Variants in MYCT1 observed in about 807,000 individuals in gnomAD.
MYCT1 encodes MYC target 1.
Under a neutral mutation model 15.0 loss-of-function variants are expected in MYCT1, and 12 were observed. That is an observed-to-expected ratio of 0.80 (90% CI 0.51 to 1.29). MYCT1 has a LOEUF of 1.29. Ranked by LOEUF, MYCT1 falls within the 50% of genes most tolerant of loss-of-function variation. The pLI is 0.00. For missense variants in MYCT1, 287 were observed against 279.1 expected (o/e 1.03, Z -0.20); for synonymous variants, 104 against 102.7 (o/e 1.01, Z -0.07).
chr6:152,731,394 A>G, the MYCT1 span, among the ~76,000 whole-genome samples: 1 of 152,134 alleles, frequency 6.6e-6, no homozygotes, highest in Non-Finnish European at 1.5e-5. Context: ...TTTATACTTT[A>G]AGTTCTAGGG....
rs2099724737 is a variant in MYCT1 at position 152,721,752 on chromosome 6, C to T, written c.207C>T (p.Ile69=). 1 of 1,610,772 alleles carries T rather than the reference C, an allele frequency of 6.2e-7. No homozygotes were observed. Among genetic ancestry groups the T allele is most frequent in the African/African-American group, 1.3e-5 (1 of 74,788 alleles). ...TTTTCTTTGTTTCAGAGGACCTTAT[C>T]ATGTCCTTCACTGTATCCATGGCAA... ...PWPENFWEDL[I]MSFTVSMAIG... The change falls in exon 2 of 2, where the codon ATC becomes ATT. Residue 69 remains isoleucine (I), a synonymous_variant. Coordinates refer to ENST00000367245, the MANE Select transcript of MYCT1 (RefSeq NM_025107.3).
chr6:152,708,453 A>G (rs2099722672), intron 1 of MYCT1, among the ~76,000 whole-genome samples: 1 of 152,092 alleles, frequency 6.6e-6, no homozygotes, highest in African/African-American at 2.4e-5. Flanking sequence ...CTGAGGTGGG[A>G]GGGTCATTTG....
At chr6:152,729,807 A>G in the MYCT1 span, among the ~76,000 whole-genome samples, 6 of 152,218 alleles carry the variant, frequency 3.9e-5, no homozygotes, top group African/African-American at 9.6e-5. Context: ...TCTGAGGGAA[A>G]CAAGGGATTC....
chr6:152,722,898 C>T lies in MYCT1; in HGVS notation c.*645C>T, dbSNP rs888764012. 9 of 176,566 alleles carry T rather than the reference C, an allele frequency of 5.1e-5. No individual in the cohort carries two copies. The highest frequency in any genetic ancestry group is 1.7e-4 in the East Asian group (1 of 5,888). 10.9% of individuals were successfully genotyped at this position (176,566 alleles called of 1,614,324 possible). On this transcript the variant is annotated 3_prime_UTR_variant, in exon 2 of 2. Transcript: ENST00000367245. ...GGACTACAGGGGTGCACTACCACAC[C>T]GGGTTGAATTTTTTTTTAATTTTAG...
At chr6:152,732,388 G>A in the MYCT1 span, among the ~76,000 whole-genome samples, 1 of 152,134 alleles carries the variant, frequency 6.6e-6, no homozygotes, top group South Asian at 2.1e-4. Context: ...GATGAGAGTT[G>A]AATTTTCAAC....
At chr6:152,706,724 T>C (rs2099722336) in intron 1 of MYCT1, among the ~76,000 whole-genome samples, 1 of 152,168 alleles carries the variant, frequency 6.6e-6, no homozygotes, top group Admixed American at 6.6e-5. Flanking sequence ...GGTTAAAAGT[T>C]AGGGGTATTA....
In MYCT1 at chr6:152,723,055, A is replaced by G; in HGVS notation, c.*802A>G. Reference sequence around the variant, plus strand: ...TGGATTTTTAATGGAATATGTGGGCACAAAATGACAGAACATAGGACATTC... The same window carrying G: ...TGGATTTTTAATGGAATATGTGGGCGCAAAATGACAGAACATAGGACATTC... On this transcript the variant is annotated 3_prime_UTR_variant, in exon 2 of 2. Coordinates refer to ENST00000367245, the MANE Select transcript of MYCT1 (RefSeq NM_025107.3). 1 of 155,394 alleles carries G rather than the reference A, an allele frequency of 6.4e-6. No homozygotes were observed. The highest frequency in any genetic ancestry group is 1.9e-4 in the East Asian group (1 of 5,292). 9.6% of individuals were successfully genotyped at this position (155,394 alleles called of 1,614,324 possible).
chr6:152,714,068 T>C (rs376131086), intron 1 of MYCT1, among the ~76,000 whole-genome samples: 3 of 152,050 alleles, frequency 2.0e-5, no homozygotes, highest in Admixed American at 6.6e-5. Context: ...AAAAGCTGAT[T>C]TGGAATCCTA....
chr6:152,728,027 G>A (rs773641161), downstream of MYCT1, among the ~76,000 whole-genome samples: 51 of 152,100 alleles, frequency 3.4e-4, no homozygotes, highest in Non-Finnish European at 6.8e-4. Flanking sequence ...AGCCAGGCGT[G>A]GTGGTGTGGG....
chr6:152,727,930 G>A (rs1306892373), downstream of MYCT1, among the ~76,000 whole-genome samples: 1 of 152,142 alleles, frequency 6.6e-6, no homozygotes, highest in Non-Finnish European at 1.5e-5. Flanking sequence ...TTGGTAGACG[G>A]AGACGGGCAG....
chr6:152,726,110 G>A (rs2099725603), downstream of MYCT1, among the ~76,000 whole-genome samples: 1 of 152,098 alleles, frequency 6.6e-6, no homozygotes, highest in South Asian at 2.1e-4. Context: ...TTCAAAGAAA[G>A]TGATGGCCGG....
At position 152,724,207 on chromosome 6, in the gene MYCT1, G is replaced by C. The variant is rs967406035; in HGVS notation, c.*1954G>C. On this transcript the variant is annotated 3_prime_UTR_variant, in exon 2 of 2. Coordinates refer to ENST00000367245, the MANE Select transcript of MYCT1 (RefSeq NM_025107.3). ...TTTAGCAGCCAAGTAAGGTTTCAAG[G>C]GAATATTAACTTGGTATCAGGGCTA... is the stretch of plus-strand genomic sequence containing the variant. 1 of 151,072 alleles carries C rather than the reference G, an allele frequency of 6.6e-6. No individual in the cohort carries two copies. Among genetic ancestry groups the C allele is most frequent in the African/African-American group, 2.4e-5 (1 of 41,164 alleles). The allele number at this position is 151,072 out of a possible 1,614,324, so 9.4% of individuals were successfully genotyped here.
At chr6:152,703,176 C>G (rs1018188011) in intron 1 of MYCT1, among the ~76,000 whole-genome samples, 2 of 152,096 alleles carry the variant, frequency 1.3e-5, no homozygotes, top group African/African-American at 4.8e-5. Context: ...TGGGAAAATT[C>G]CCTATTGTAA....
intron 1 of MYCT1, among the ~76,000 whole-genome samples, chr6:152,720,155 C>T (rs908627115): frequency 1.3e-5 from 2 of 151,668 alleles, no homozygotes; most frequent in Admixed American, 6.6e-5. Context: ...TTAGCAGGCT[C>T]TTGGCTAGGG....
At chr6:152,744,886 G>T in the MYCT1 span, among the ~76,000 whole-genome samples, 1 of 152,182 alleles carries the variant, frequency 6.6e-6, no homozygotes, top group Non-Finnish European at 1.5e-5. Context: ...AGAGTAAGCC[G>T]AAACTCAGGG....
downstream of MYCT1, among the ~76,000 whole-genome samples, chr6:152,727,943 C>T (rs2099725943): frequency 6.6e-6 from 1 of 152,112 alleles, no homozygotes; most frequent in Non-Finnish European, 1.5e-5. Context: ...ACGGGCAGAT[C>T]ACTTGAGGTC....
At chr6:152,712,823 T>C (rs74577684) in intron 1 of MYCT1, among the ~76,000 whole-genome samples, 3,869 of 152,200 alleles carry the variant, frequency 0.025, 141 homozygotes, top group African/African-American at 0.085. Flanking sequence ...TTATTTGTAA[T>C]TTGGCTGTGT....
At chr6:152,716,850 C>A (rs1204959420) in intron 1 of MYCT1, among the ~76,000 whole-genome samples, 1 of 152,144 alleles carries the variant, frequency 6.6e-6, no homozygotes, top group Non-Finnish European at 1.5e-5. Flanking sequence ...TAAAAGTAAT[C>A]ATTTGGTCTC....
At chr6:152,729,733 T>C in the MYCT1 span, among the ~76,000 whole-genome samples, 2 of 152,184 alleles carry the variant, frequency 1.3e-5, no homozygotes, top group Non-Finnish European at 2.9e-5. Flanking sequence ...TATTCAAGCC[T>C]ACATATTTAA....
Sources: allele counts gnomAD v4.1 joint callset (sites outside exome capture counted in the v4.1 genomes callset), GRCh38; gene constraint gnomAD v4.1.1; transcripts MANE v1.5; gene names NCBI Gene and HGNC (gene_info 2026-07-23, HGNC 2026-07-21).